The following HACD4 variants were observed in gnomAD, a reference collection of about 807,000 sequenced individuals.
HACD4 encodes very-long-chain (3R)-3-hydroxyacyl-CoA dehydratase 4.
A neutral mutation model predicts 33.3 loss-of-function variants in HACD4; 35 were observed. The ratio of observed to expected loss-of-function variants is 1.05; its 90% CI spans 0.80 to 1.39. HACD4 has a LOEUF of 1.39. Among genes scored for constraint, HACD4 ranks in the 40% most tolerant of loss-of-function variants. The pLI is 0.00. For missense variants in HACD4, 323 were observed against 276.5 expected, an observed-to-expected ratio of 1.17 and a Z score of -1.19; for synonymous variants, 118 against 98.0, an observed-to-expected ratio of 1.20 and a Z score of -1.21.
chr9:21,028,450 G>A (rs1454937270), intron 2 of HACD4, among the ~76,000 whole-genome samples: 1 of 152,176 alleles, frequency 6.6e-6, no homozygotes, highest in Non-Finnish European at 1.5e-5. Context: ...ACAAAGGCGA[G>A]ACTATATCTG....
Position 20,999,791 on chromosome 9 carries a change from T to G in HACD4, c.*7246A>C. 1 of 152,206 alleles carries G rather than the reference T, an allele frequency of 6.6e-6. No individual in the cohort carries two copies. Among genetic ancestry groups the G allele is most frequent in the Non-Finnish European group, 1.5e-5 (1 of 68,030 alleles). 9.4% of individuals were successfully genotyped at this position (152,206 alleles called of 1,614,324 possible). A position where few individuals can be genotyped will look rare whatever the true frequency, so the allele number is the denominator to read the frequency against. ...TATTATGTGCCACTATACAAGTTTC[T>G]GGGGTACAATCTGAACAAAACGTGT... On this transcript the variant is annotated 3_prime_UTR_variant, in exon 7 of 7. Coordinates refer to ENST00000495827, the MANE Select transcript of HACD4 (RefSeq NM_001010915.5).
At chr9:21,025,017 C>T (rs563182114) in intron 3 of HACD4, among the ~76,000 whole-genome samples, 1 of 152,126 alleles carries the variant, frequency 6.6e-6, no homozygotes, top group South Asian at 2.1e-4. Flanking sequence ...TAATAAACAC[C>T]AATAAATCTT....
At chr9:21,017,606 C>A (rs1479272402) in intron 3 of HACD4, among the ~76,000 whole-genome samples, 1 of 152,160 alleles carries the variant, frequency 6.6e-6, no homozygotes, top group Non-Finnish European at 1.5e-5. Context: ...TTAGGAAAAC[C>A]TTCTGGTTTT....
chr9:21,016,767 T>C (rs142883232), intron 3 of HACD4, among the ~76,000 whole-genome samples: 4 of 145,714 alleles, frequency 2.7e-5, no homozygotes, highest in Admixed American at 1.4e-4. Context: ...TTCCATCCAA[T>C]AGAGAAACTT....
At chr9:21,021,147 A>T (rs1211777388) in intron 3 of HACD4, among the ~76,000 whole-genome samples, 1 of 152,216 alleles carries the variant, frequency 6.6e-6, no homozygotes, top group East Asian at 1.9e-4. Context: ...ATCTCAATAG[A>T]TGCAGAAAAG....
At chr9:21,029,960 A>T (rs1818165279) in intron 1 of HACD4, among the ~76,000 whole-genome samples, 1 of 152,200 alleles carries the variant, frequency 6.6e-6, no homozygotes, top group Non-Finnish European at 1.5e-5. Context: ...TAATGAATAC[A>T]TATCATTTTC....
At chr9:21,019,223 A>G (rs1234416127) in intron 3 of HACD4, among the ~76,000 whole-genome samples, 1 of 152,076 alleles carries the variant, frequency 6.6e-6, no homozygotes, top group Non-Finnish European at 1.5e-5. Context: ...TGCCTTCATG[A>G]TATTTATATT....
At chr9:21,013,510 T>G (rs1409250089) in intron 4 of HACD4, among the ~76,000 whole-genome samples, 2 of 152,154 alleles carry the variant, frequency 1.3e-5, no homozygotes, top group Non-Finnish European at 2.9e-5. Flanking sequence ...TAAATATGAG[T>G]GTTAGGGTCA....
intron 3 of HACD4, chr9:21,017,685 T>C (rs1817798463): frequency 6.6e-6 from 1 of 152,196 alleles, no homozygotes; most frequent in Non-Finnish European, 1.5e-5. Flanking sequence ...TCTAATTACA[T>C]GGCTGGCTAC....
At chr9:21,029,182 A>G (rs762871542) in intron 2 of HACD4, 113 bp downstream of exon 2, 1 of 634,326 alleles carries the variant, frequency 1.6e-6, no homozygotes, top group Non-Finnish European at 2.7e-6. Context: ...AAAAAATACA[A>G]ATTTTAGAGA....
In HACD4 at chr9:21,024,413, G is replaced by A. The variant is rs559561886; in HGVS notation, c.270+2183C>T. 3.9e-5 allele frequency among the ~76,000 whole-genome samples: 6 copies of A among 152,236 alleles called. No homozygotes were observed. The East Asian group carries it at 7.7e-4, about 20-fold the overall frequency. Reference sequence around the variant, plus strand: ...CGATAACATCAGATTTTGCAAACTCGCCTTTGAATAAAAGGTCTCAATGTA... The same window carrying A: ...CGATAACATCAGATTTTGCAAACTCACCTTTGAATAAAAGGTCTCAATGTA... On this transcript the variant is annotated intron_variant, in intron 3 of 6. Transcript: ENST00000495827.
At chr9:21,014,482 A>G (rs1842510500) in intron 4 of HACD4, among the ~76,000 whole-genome samples, 1 of 152,160 alleles carries the variant, frequency 6.6e-6, no homozygotes, top group Non-Finnish European at 1.5e-5. Flanking sequence ...ATATTGGATG[A>G]CTCCATTTAT....
In HACD4 at chr9:21,006,852, T is replaced by C. The variant is rs1332160146; in HGVS notation, c.*185A>G. 1.7e-6 allele frequency: 1 copy of C among 598,456 alleles called. No individual in the cohort carries two copies. The highest frequency in any genetic ancestry group is 3.0e-6 in the Non-Finnish European group (1 of 333,770). 37.1% of individuals were successfully genotyped at this position (598,456 alleles called of 1,614,324 possible). On this transcript the variant is annotated 3_prime_UTR_variant, in exon 7 of 7. Transcript: ENST00000495827. The surrounding 1 kb of genome is among the most constrained non-coding windows in gnomAD (Gnocchi z 4.6). ...CAGGGTATGGAGAATATATATGTCT[T>C]AAAAATACAATGTGTGAAAAACATA...
In HACD4 at chr9:21,004,799, C is replaced by T. The variant is rs539329161; in HGVS notation, c.*2238G>A. ...TATAAAGATGTGGAAGCAGCTTTGA[C>T]GTTAGGTAACAGATAGAAGCTGGAA... On this transcript the variant is annotated 3_prime_UTR_variant, in exon 7 of 7. Transcript: ENST00000495827. The surrounding 1 kb of genome is among the most constrained non-coding windows in gnomAD (Gnocchi z 4.6). 7.2e-5 allele frequency: 11 copies of T among 152,236 alleles called. No individual in the cohort carries two copies. Among genetic ancestry groups the T allele is most frequent in the South Asian group, 2.1e-4 (1 of 4,820 alleles). The allele number at this position is 152,236 out of a possible 1,614,324, so 9.4% of individuals were successfully genotyped here.
At chr9:21,031,461 G>T (rs1425576909) in intron 1 of HACD4, 92 bp downstream of exon 1, 8 of 1,355,308 alleles carry the variant, frequency 5.9e-6, no homozygotes, top group Non-Finnish European at 4.7e-6. Flanking sequence ...CGGGCGGGGG[G>T]TGCCGCCCGC....
Position 21,007,646 on chromosome 9 carries a change from CA to C in HACD4, c.616+374del, listed in dbSNP as rs752436036. Among the ~76,000 whole-genome samples, 8 of 152,106 alleles carry C rather than the reference CA, an allele frequency of 5.3e-5. No homozygotes were observed. The South Asian group carries it at 8.3e-4, about 16-fold the overall frequency. On this transcript the variant is annotated intron_variant, in intron 6 of 6. Coordinates refer to ENST00000495827, the MANE Select transcript of HACD4 (RefSeq NM_001010915.5). ...GATAGGAAGTGCCAGCTTGAAAAGC[CA>C]AACAAACAAGAAACAAAATGGATAT...
chr9:21,020,872 G>A (rs1817891278), intron 3 of HACD4, among the ~76,000 whole-genome samples: 1 of 152,182 alleles, frequency 6.6e-6, no homozygotes, highest in Non-Finnish European at 1.5e-5. Context: ...AATGATTATT[G>A]TCTTTTAGTC....
intron 6 of HACD4, among the ~76,000 whole-genome samples, chr9:21,007,468 G>C (rs989904003): frequency 1.8e-4 from 27 of 152,086 alleles, no homozygotes; most frequent in African/African-American, 6.5e-4. Context: ...GGAGATTTGT[G>C]AAGGTTAGAG....
chr9:21,016,378 G>C (rs1842556235), intron 3 of HACD4, among the ~76,000 whole-genome samples: 1 of 152,190 alleles, frequency 6.6e-6, no homozygotes, highest in African/African-American at 2.4e-5. Flanking sequence ...GAGGGTAGCA[G>C]TGGTGGGAGA....
Sources: gnomAD v4.1 joint callset for allele counts (sites outside exome capture counted in the v4.1 genomes callset) on GRCh38, gnomAD v4.1.1 for gene constraint, Gnocchi (gnomAD v3.1) non-coding constraint, MANE v1.5 for transcripts, NCBI Gene and HGNC (gene_info 2026-07-23, HGNC 2026-07-21) for gene names.